Variants in INTS2 observed in about 807,000 individuals in gnomAD.
INTS2 encodes the protein KIAA1287.
INTS2 carries 57 observed loss-of-function variants against 139.6 expected under a neutral mutation model. The observed-to-expected ratio is 0.41, with a 90% CI of 0.33 to 0.51. The LOEUF is 0.51. Ranked by LOEUF, INTS2 falls within the 20% of genes least tolerant of loss-of-function variation. INTS2 has a pLI of 0.28. For missense variants in INTS2, 1,196 were observed against 1,436.7 expected (o/e 0.83, Z 2.71); for synonymous variants, 473 against 493.4 (o/e 0.96, Z 0.55).
Position 61,872,252 on chromosome 17 carries a change from T to A in INTS2, c.2778+13A>T. On this transcript the variant is annotated intron_variant, in intron 20 of 24. Coordinates refer to ENST00000251334, the MANE Select transcript of INTS2 (RefSeq NM_001351695.2). This position sits in a 1 kb window ranked among gnomAD's most constrained non-coding sequence, Gnocchi z 4.8. ...TGCTCTTTTTGACTAAATTTTACTT[T>A]AGCAAAATTTACCTGAGCGGCCAGT... The A allele has an allele frequency of 6.2e-7, 1 of 1,601,464 alleles. No individual in the cohort carries two copies. The highest frequency in any genetic ancestry group is 8.5e-7 in the Non-Finnish European group (1 of 1,171,368).
chr17:61,875,116 A>AGAAATTTACT lies in INTS2; in HGVS notation c.2457-79_2457-78insAGTAAATTTC. On this transcript the variant is annotated intron_variant, in intron 18 of 24. Coordinates refer to ENST00000251334, the MANE Select transcript of INTS2 (RefSeq NM_001351695.2). The surrounding 1 kb of genome is among the most constrained non-coding windows in gnomAD (Gnocchi z 4.6). ...GTAGCCATCCAGTCCTTTCTATCTT[A>AGAAATTTACT]GAAAGTTATATTCAGTAAATAATTA... 1 of 1,060,930 alleles carries AGAAATTTACT rather than the reference A, an allele frequency of 9.4e-7. No individual in the cohort carries two copies. The highest frequency in any genetic ancestry group is 1.3e-6 in the Non-Finnish European group (1 of 780,634). The allele number at this position is 1,060,930 out of a possible 1,614,324, so 65.7% of individuals were successfully genotyped here.
At position 61,868,079 on chromosome 17, in the gene INTS2, A is replaced by G. The variant is rs2079060727; in HGVS notation, c.3245-70T>C. 3 of 1,241,774 alleles carry G rather than the reference A, an allele frequency of 2.4e-6. No individual in the cohort carries two copies. The highest frequency in any genetic ancestry group is 2.9e-5 in the Admixed American group (1 of 34,184). The allele number at this position is 1,241,774 out of a possible 1,614,324, so 76.9% of individuals were successfully genotyped here. ...TTCAACACAGCTTACACAACATACT[A>G]AGGGGAACTATGCTCTGTGCTGGAG... On this transcript the variant is annotated intron_variant, in intron 23 of 24. Transcript: ENST00000251334. This position sits in a 1 kb window ranked among gnomAD's most constrained non-coding sequence, Gnocchi z 4.7.
intron 7 of INTS2, among the ~76,000 whole-genome samples, chr17:61,908,577 T>C (rs1373446210): frequency 6.6e-6 from 1 of 152,194 alleles, no homozygotes; most frequent in Non-Finnish European, 1.5e-5. Context: ...AATACATGTA[T>C]GAAAGCAGTT....
intron 5 of INTS2, among the ~76,000 whole-genome samples, chr17:61,916,688 T>C (rs2079586424): frequency 6.6e-6 from 1 of 152,122 alleles, no homozygotes; most frequent in African/African-American, 2.4e-5. Flanking sequence ...CCTCAAACTA[T>C]AAAAATCCTA....
chr17:61,896,308 T>G (rs1176751878), intron 11 of INTS2, among the ~76,000 whole-genome samples: 3 of 150,690 alleles, frequency 2.0e-5, no homozygotes, highest in Non-Finnish European at 4.4e-5. Context: ...AATTTCCACA[T>G]GGCGAAGTTA....
intron 9 of INTS2, among the ~76,000 whole-genome samples, chr17:61,898,249 G>A (rs1053461841): frequency 6.6e-6 from 1 of 152,020 alleles, no homozygotes; most frequent in African/African-American, 2.4e-5. Context: ...ACTAATCATG[G>A]GAAAAAAGGC....
rs758453632 is a variant in INTS2, at chr17:61,875,001, T to C, written c.2494A>G (p.Ile832Val). The C allele has an allele frequency of 3.1e-6, 5 of 1,598,106 alleles. No individual in the cohort carries two copies. Among genetic ancestry groups the C allele is most frequent in the East Asian group, 4.5e-5 (2 of 44,540 alleles). ...VMTVNALQPS[I>V]KFVRQQKYTQ... Reference sequence around the variant, plus strand: ...TACTTTTGTTGTCGTACAAACTTTATTGAAGGCTGAAGTGCATTAACCGTC... The same window carrying C: ...TACTTTTGTTGTCGTACAAACTTTACTGAAGGCTGAAGTGCATTAACCGTC... The change falls in exon 19 of 25, where the codon ATA becomes GTA. Residue 832 changes from isoleucine (I) to valine (V), a missense_variant. Coordinates refer to ENST00000251334, the MANE Select transcript of INTS2 (RefSeq NM_001351695.2). The surrounding 1 kb of genome is among the most constrained non-coding windows in gnomAD (Gnocchi z 4.6).
chr17:61,907,223 T>C (rs188464378), intron 8 of INTS2, among the ~76,000 whole-genome samples, 185 bp downstream of exon 8: 3 of 152,270 alleles, frequency 2.0e-5, no homozygotes, highest in Admixed American at 2.0e-4. Flanking sequence ...CAGAACAAAA[T>C]AGATGAATAC....
At chr17:61,886,746 AG>A (rs371970841) in intron 15 of INTS2, among the ~76,000 whole-genome samples, 8 of 152,374 alleles carry the variant, frequency 5.3e-5, no homozygotes, top group African/African-American at 1.9e-4. Context: ...AATCTCAATC[AG>A]GGTGTTTGTA....
Position 61,871,605 on chromosome 17 carries a change from C to G in INTS2, c.2778+660G>C, listed in dbSNP as rs1314587608. 6.6e-6 allele frequency among the ~76,000 whole-genome samples: 1 copy of G among 152,126 alleles called. No individual in the cohort carries two copies. The highest frequency in any genetic ancestry group is 2.1e-4 in the South Asian group (1 of 4,820). ...ACCACTCTATCCCCAGTTCCTGGAA[C>G]AATACTTGGCACACAGTAGGTGTCC... is the stretch of plus-strand genomic sequence containing the variant. On this transcript the variant is annotated intron_variant, in intron 20 of 24. Coordinates refer to ENST00000251334, the MANE Select transcript of INTS2 (RefSeq NM_001351695.2). This position sits in a 1 kb window ranked among gnomAD's most constrained non-coding sequence, Gnocchi z 4.9.
At chr17:61,921,553 T>C (rs1485228703) in intron 4 of INTS2, among the ~76,000 whole-genome samples, 172 bp downstream of exon 4, 1 of 152,214 alleles carries the variant, frequency 6.6e-6, no homozygotes, top group Non-Finnish European at 1.5e-5. Context: ...ACTATGAAAA[T>C]AATATAATTT....
chr17:61,886,439 A>C (rs763746368), intron 15 of INTS2, among the ~76,000 whole-genome samples: 9 of 152,140 alleles, frequency 5.9e-5, no homozygotes, highest in African/African-American at 2.2e-4. Flanking sequence ...TTCTAAGTCC[A>C]TTTTAATTTC....
At chr17:61,917,796 T>A (rs1446315968) in intron 5 of INTS2, among the ~76,000 whole-genome samples, 1 of 152,100 alleles carries the variant, frequency 6.6e-6, no homozygotes, top group Non-Finnish European at 1.5e-5. Context: ...CGAATTTTTT[T>A]AAAAAGAAAA....
chr17:61,898,131 A>G (rs2079368021), intron 9 of INTS2, among the ~76,000 whole-genome samples: 1 of 152,230 alleles, frequency 6.6e-6, no homozygotes, highest in Non-Finnish European at 1.5e-5. Flanking sequence ...TCAAAATATC[A>G]CAAACTGAGT....
intron 15 of INTS2, among the ~76,000 whole-genome samples, chr17:61,889,046 AC>A (rs1167108888): frequency 2.0e-5 from 3 of 151,140 alleles, no homozygotes; most frequent in Admixed American, 2.0e-4. Context: ...AAAACAAAAA[AC>A]AAAAAACAAA....
chr17:61,884,782 A>G (rs2079210327), intron 16 of INTS2, 119 bp downstream of exon 16: 1 of 690,892 alleles, frequency 1.4e-6, no homozygotes, highest in Non-Finnish European at 2.5e-6. Context: ...GCAAAGAGGA[A>G]TTTCACTCTT....
rs1279647610 is a variant in INTS2 at position 61,868,813 on chromosome 17, T to C, written c.3244+221A>G. The stretch of plus-strand genomic sequence containing the variant: ...CATTCACAAAATGAAAAATACAATT[T>C]GCCTACCTATTCATTCCCACTACAC... On this transcript the variant is annotated intron_variant, in intron 23 of 24. Coordinates refer to ENST00000251334, the MANE Select transcript of INTS2 (RefSeq NM_001351695.2). The surrounding 1 kb of genome is among the most constrained non-coding windows in gnomAD (Gnocchi z 4.7). Among the ~76,000 whole-genome samples the C allele has an allele frequency of 1.3e-5, 2 of 152,170 alleles. No homozygotes were observed. Among genetic ancestry groups the C allele is most frequent in the African/African-American group, 4.8e-5 (2 of 41,448 alleles).
intron 8 of INTS2, among the ~76,000 whole-genome samples, chr17:61,904,970 A>G (rs1261354721): frequency 1.3e-5 from 2 of 150,450 alleles, no homozygotes; most frequent in African/African-American, 2.4e-5. Context: ...TTTTTGAGAC[A>G]AGGTCTTGCT....
Position 61,898,539 on chromosome 17 carries a change from G to A in INTS2, c.1308-800C>T, listed in dbSNP as rs189116852. Among the ~76,000 whole-genome samples, 37 of 152,150 alleles carry A rather than the reference G, an allele frequency of 2.4e-4. No individual in the cohort carries two copies. In the East Asian group the frequency reaches 4.1e-3, roughly 17 times the overall value. On this transcript the variant is annotated intron_variant, in intron 9 of 24. Coordinates refer to ENST00000251334, the MANE Select transcript of INTS2 (RefSeq NM_001351695.2). ...TTGAACTCTCGAGCTCAAGTGATAC[G>A]CCTGCCTAAGCCTCCCAAAGTGCTG...
Sources: allele counts gnomAD v4.1 joint callset (sites outside exome capture counted in the v4.1 genomes callset), GRCh38; gene constraint gnomAD v4.1.1; non-coding constraint Gnocchi (gnomAD v3.1); transcripts MANE v1.5; gene names NCBI Gene and HGNC (gene_info 2026-07-23, HGNC 2026-07-21).